The following ADSL variants were observed in gnomAD, a reference collection of about 807,000 sequenced individuals.
ADSL encodes the protein adenylosuccinase.
A neutral mutation model predicts 62.1 loss-of-function variants in ADSL; 44 were observed. The observed-to-expected ratio is 0.71, with a 90% CI of 0.56 to 0.91. The LOEUF (loss-of-function observed/expected upper bound fraction) is 0.91. ADSL is among the 40% of genes least tolerant of loss of function. The pLI is 0.00. For missense variants in ADSL, 531 were observed against 627.4 expected, an observed-to-expected ratio of 0.85 and a Z score of 1.64; for synonymous variants, 198 against 220.5, an observed-to-expected ratio of 0.90 and a Z score of 0.90.
chr22:40,361,864 A>C (rs1487118623), intron 9 of ADSL, among the ~76,000 whole-genome samples: 2 of 152,258 alleles, frequency 1.3e-5, no homozygotes, highest in Non-Finnish European at 2.9e-5. Flanking sequence ...GAGGAGTCAG[A>C]AAGCTTCACA....
chr22:40,355,368 C>A (rs1305529040), intron 4 of ADSL, among the ~76,000 whole-genome samples: 2 of 152,152 alleles, frequency 1.3e-5, no homozygotes, highest in Non-Finnish European at 2.9e-5. Context: ...GTCTCAAACT[C>A]CTGACCTCAA....
At chr22:40,370,485 A>G (rs1307712806), downstream of ADSL, 2 of 152,340 alleles carry the variant, frequency 1.3e-5, no homozygotes, top group Admixed American at 1.3e-4. Flanking sequence ...ATCGCTATGC[A>G]TGCTGGCCTT....
intron 9 of ADSL, 58 bp downstream of exon 9, chr22:40,361,693 C>A: frequency 3.1e-6 from 5 of 1,593,452 alleles, no homozygotes; most frequent in South Asian, 1.1e-5. Flanking sequence ...AAGGAGGGAC[C>A]TAGAAGTAAA....
chr22:40,356,950 C>T (rs1380326470), intron 4 of ADSL, among the ~76,000 whole-genome samples: 1 of 152,154 alleles, frequency 6.6e-6, no homozygotes, highest in Non-Finnish European at 1.5e-5. Context: ...GATTGGGGTA[C>T]AGTGGTGTGA....
intron 6 of ADSL, 81 bp from the exon 7 acceptor site, chr22:40,360,321 A>G: frequency 1.7e-6 from 2 of 1,203,826 alleles, no homozygotes; most frequent in South Asian, 1.2e-5. Context: ...TTAGCCTCCT[A>G]AGTAGCTGGG....
At chr22:40,375,889 AAATT>A (rs748805435) in intron 2 of ADSL, among the ~76,000 whole-genome samples, 2 of 151,948 alleles carry the variant, frequency 1.3e-5, no homozygotes, top group Non-Finnish European at 2.9e-5. Context: ...AAATTTCTAA[AAATT>A]AACCAGATAT....
rs554525289 is a variant in ADSL at position 40,378,995 on chromosome 22, A to G, written c.90-11235A>G. On this transcript the variant is annotated intron_variant, in intron 2 of 2. Coordinates refer to the ADSL transcript ENST00000498234. The stretch of plus-strand genomic sequence containing the variant: ...CCTCACCTTCTTCAGGTGTTTGCTC[A>G]GATTTTTCTTACTGAGCCTTCCCTG... Among the ~76,000 whole-genome samples, 54 of 152,256 alleles carry G rather than the reference A, an allele frequency of 3.5e-4. 1 individual carries two copies. In the South Asian group the frequency reaches 0.011, roughly 31 times the overall value.
intron 2 of ADSL, chr22:40,376,252 A>C (rs938106729): frequency 3.2e-5 from 4 of 126,902 alleles, no homozygotes; most frequent in African/African-American, 1.2e-4. Context: ...CCAACAATGA[A>C]GTTCAACTTA....
intron 4 of ADSL, among the ~76,000 whole-genome samples, chr22:40,355,825 C>CG (rs2044531611): frequency 6.6e-6 from 1 of 152,082 alleles, no homozygotes; most frequent in South Asian, 2.1e-4. Flanking sequence ...CTTGATGTTC[C>CG]TAGCTGTCAG....
intron 2 of ADSL, among the ~76,000 whole-genome samples, chr22:40,384,085 A>T (rs959439895): frequency 2.6e-5 from 4 of 152,132 alleles, no homozygotes; most frequent in Non-Finnish European, 5.9e-5. Flanking sequence ...CTTGTCTCTA[A>T]AAATAAAAAT....
chr22:40,382,586 A>G (rs1002787130), intron 2 of ADSL, among the ~76,000 whole-genome samples: 7 of 152,176 alleles, frequency 4.6e-5, no homozygotes, highest in African/African-American at 7.2e-5. Context: ...CATTTTTATG[A>G]CATAACCTCA....
intron 2 of ADSL, among the ~76,000 whole-genome samples, chr22:40,374,621 G>T (rs114099302): frequency 5.9e-5 from 9 of 152,152 alleles, no homozygotes; most frequent in Non-Finnish European, 1.0e-4. Context: ...GGCGGCTCAC[G>T]CCTGTAATCC....
chr22:40,352,044 T>C (rs1291527373), intron 2 of ADSL: 3 of 152,240 alleles, frequency 2.0e-5, no homozygotes, highest in Non-Finnish European at 4.4e-5. Context: ...ACAGTCTTCT[T>C]ACTTGGAAAA....
In ADSL at chr22:40,364,945, T is replaced by A; in HGVS notation, c.1257T>A (p.Gly419=). Residue 419 remains glycine (G), a synonymous_variant, in exon 12 of 13, where the codon GGT becomes GGA. Coordinates refer to ENST00000623063, the MANE Select transcript of ADSL (RefSeq NM_000026.4). ...QAASVVKQEG[G]DNDLIERIQV... ...CTTCTGTGGTTAAGCAGGAAGGGGG[T>A]GACAATGACCTCATAGAGCGTATCC... is the stretch of plus-strand genomic sequence containing the variant. 6.2e-7 allele frequency: 1 copy of A among 1,613,990 alleles called. No individual in the cohort carries two copies. The highest frequency in any genetic ancestry group is 8.5e-7 in the Non-Finnish European group (1 of 1,179,994).
intron 2 of ADSL, 129 bp from the exon 3 acceptor site, chr22:40,352,943 CT>C: frequency 2.8e-6 from 2 of 725,840 alleles, no homozygotes; most frequent in Non-Finnish European, 5.1e-6. Flanking sequence ...TTCTGGCGTG[CT>C]TAGTGGGTTG....
chr22:40,363,167 C>T (rs888837032), intron 10 of ADSL, 96 bp downstream of exon 10: 1 of 1,156,030 alleles, frequency 8.7e-7, no homozygotes, highest in African/African-American at 1.5e-5. Flanking sequence ...GTATTCTGAT[C>T]CGATAGGCAT....
At chr22:40,376,450 G>T (rs970636223) in intron 2 of ADSL, 1 of 151,870 alleles carries the variant, frequency 6.6e-6, no homozygotes, top group Non-Finnish European at 1.5e-5. Context: ...CACTGCACCC[G>T]GCCTGGCTTT....
chr22:40,379,576 C>T (rs1333031170), intron 2 of ADSL: 3 of 152,194 alleles, frequency 2.0e-5, no homozygotes, highest in African/African-American at 4.8e-5. Flanking sequence ...AGTTCAGGCC[C>T]GTGCAGTGCC....
At chr22:40,348,451 T>C (rs1188831227) in intron 1 of ADSL, 7 of 398,506 alleles carry the variant, frequency 1.8e-5, no homozygotes, top group Non-Finnish European at 2.7e-5. Flanking sequence ...TGGCACAATC[T>C]TGGCTCGTTA....
Sources: gnomAD v4.1 joint callset for allele counts (sites outside exome capture counted in the v4.1 genomes callset) on GRCh38, gnomAD v4.1.1 for gene constraint, MANE v1.5 for transcripts, NCBI Gene and HGNC (gene_info 2026-07-23, HGNC 2026-07-21) for gene names.